Variants in HS6ST2 observed in about 807,000 individuals in gnomAD.
The protein encoded by HS6ST2 is heparan sulfate 6-O-sulfotransferase 2.
A neutral mutation model predicts 33.0 loss-of-function variants in HS6ST2; 17 were observed. That is an observed-to-expected ratio of 0.52 (90% CI 0.35 to 0.77). HS6ST2 has a LOEUF of 0.77. Among genes scored for constraint, HS6ST2 ranks in the 30% least tolerant of loss-of-function variants. HS6ST2 has a pLI of 0.01. For missense variants in HS6ST2, 519 were observed against 551.7 expected, an observed-to-expected ratio of 0.94 and a Z score of 0.59; for synonymous variants, 248 against 237.1, an observed-to-expected ratio of 1.05 and a Z score of -0.42.
intron 4 of HS6ST2, 99 bp downstream of exon 4, chrX:132,669,014 C>T (rs1369803531): frequency 3.6e-6 from 2 of 548,785 alleles, no homozygotes; most frequent in Admixed American, 6.4e-5. Context: ...AGACATTCCA[C>T]AAATCTTTGT....
chrX:132,897,878 C>T (rs1006555695), intron 2 of HS6ST2, among the ~76,000 whole-genome samples: 2 of 111,594 alleles, frequency 1.8e-5, no homozygotes, highest in African/African-American at 6.5e-5. Flanking sequence ...TCCCCTTAAC[C>T]ATGATGCTGT....
intron 3 of HS6ST2, among the ~76,000 whole-genome samples, chrX:132,677,426 A>C (rs977730644): frequency 8.9e-6 from 1 of 112,169 alleles, no homozygotes; most frequent in Non-Finnish European, 1.9e-5. Flanking sequence ...ATTACATATT[A>C]ACTTCTTTAA....
intron 2 of HS6ST2, among the ~76,000 whole-genome samples, chrX:132,943,610 T>C (rs1343842000): frequency 9.0e-6 from 1 of 111,158 alleles, no homozygotes; most frequent in Non-Finnish European, 1.9e-5. Flanking sequence ...AAATCCTCAA[T>C]AAAATACTGG....
intron 2 of HS6ST2, among the ~76,000 whole-genome samples, chrX:132,847,725 C>G (rs543316453): frequency 9.0e-6 from 1 of 111,469 alleles, no homozygotes; most frequent in Middle Eastern, 4.6e-3. Flanking sequence ...ATCAGAGGAA[C>G]AGATGTGCAA....
At chrX:132,894,141 G>T (rs2066344790) in intron 2 of HS6ST2, among the ~76,000 whole-genome samples, 1 of 105,529 alleles carries the variant, frequency 9.5e-6, no homozygotes, top group East Asian at 3.0e-4. Flanking sequence ...TTTTTTTGTG[G>T]GGGGGGAGGT....
At chrX:132,874,633 A>G (rs2066093158) in intron 2 of HS6ST2, among the ~76,000 whole-genome samples, 1 of 111,929 alleles carries the variant, frequency 8.9e-6, no homozygotes, top group Admixed American at 9.5e-5. Flanking sequence ...GAGAAGCCAA[A>G]GAGGTCGGTC....
intron 2 of HS6ST2, among the ~76,000 whole-genome samples, chrX:132,866,817 G>A (rs1308853262): frequency 2.0e-5 from 2 of 100,851 alleles, no homozygotes; most frequent in Non-Finnish European, 4.0e-5. Context: ...TGTGATTTTT[G>A]TACATTGATT....
At chrX:132,833,261 G>A (rs1300715618) in intron 2 of HS6ST2, among the ~76,000 whole-genome samples, 4 of 111,094 alleles carry the variant, frequency 3.6e-5, no homozygotes, top group Admixed American at 9.6e-5. Flanking sequence ...GTTGGGCCCC[G>A]TACATTAGCA....
chrX:132,749,882 G>A (rs776267237), intron 2 of HS6ST2, among the ~76,000 whole-genome samples: 1 of 111,184 alleles, frequency 9.0e-6, no homozygotes, highest in Non-Finnish European at 1.9e-5. Context: ...ATAAGGAGCA[G>A]CTGAAAAACC....
At chrX:132,682,115 G>A (rs1041411537) in intron 3 of HS6ST2, among the ~76,000 whole-genome samples, 1 of 112,161 alleles carries the variant, frequency 8.9e-6, no homozygotes, top group Non-Finnish European at 1.9e-5. Flanking sequence ...CCTTAACGTT[G>A]GTGAGAAAAT....
intron 2 of HS6ST2, among the ~76,000 whole-genome samples, chrX:132,892,796 G>A (rs963514416): frequency 9.0e-6 from 1 of 111,710 alleles, no homozygotes; most frequent in Admixed American, 9.5e-5. Flanking sequence ...TCCAGCCTGG[G>A]TGACAGAGTG....
intron 2 of HS6ST2, among the ~76,000 whole-genome samples, chrX:132,899,240 A>C (rs960839708): frequency 8.9e-6 from 1 of 112,142 alleles, no homozygotes; most frequent in African/African-American, 3.2e-5. Flanking sequence ...TCCAACATCC[A>C]ATCAAAAATT....
At chrX:132,812,274 G>A (rs1346106201) in intron 2 of HS6ST2, among the ~76,000 whole-genome samples, 1 of 107,782 alleles carries the variant, frequency 9.3e-6, no homozygotes, top group Non-Finnish European at 1.9e-5. Flanking sequence ...GCATGGTGGT[G>A]CACACCTGTA....
At chrX:132,834,833 A>G (rs946078866) in intron 2 of HS6ST2, among the ~76,000 whole-genome samples, 3 of 112,076 alleles carry the variant, frequency 2.7e-5, no homozygotes, top group Admixed American at 9.5e-5. Context: ...CTTCTTAACA[A>G]TGAAGAGTTT....
rs770359330 is a variant in HS6ST2, at chrX:132,659,411, T to A, written c.1067+9702A>T. On this transcript the variant is annotated intron_variant, in intron 4 of 4. Coordinates refer to ENST00000370833, the MANE Select transcript of HS6ST2 (RefSeq NM_001394073.1). ...GTCCTCCCCACTTCCCATTCTTAGG[T>A]TGCTTGCCCACAACATACATAGTAG... 6.2e-5 allele frequency among the ~76,000 whole-genome samples: 7 copies of A among 112,057 alleles called. No individual in the cohort carries two copies. The East Asian group carries it at 1.7e-3, about 27-fold the overall frequency.
chrX:132,910,101 A>T (rs1253225476), intron 2 of HS6ST2, among the ~76,000 whole-genome samples: 1 of 112,012 alleles, frequency 8.9e-6, no homozygotes, highest in East Asian at 2.8e-4. Flanking sequence ...TGCCATCTGG[A>T]ATCCTGAAAG....
At chrX:132,878,652 A>G (rs1288695809) in intron 2 of HS6ST2, among the ~76,000 whole-genome samples, 3 of 112,404 alleles carry the variant, frequency 2.7e-5, no homozygotes, top group Non-Finnish European at 5.6e-5. Context: ...GCTTCTAAAT[A>G]ACAATAGAAA....
chrX:132,707,187 C>T (rs1342590883), intron 3 of HS6ST2, among the ~76,000 whole-genome samples: 12 of 112,119 alleles, frequency 1.1e-4, no homozygotes, highest in Non-Finnish European at 2.3e-4. Context: ...GTCATCCGCT[C>T]CATTTTATTT....
chrX:132,955,639 T>C (rs1348432183), intron 2 of HS6ST2, among the ~76,000 whole-genome samples: 1 of 111,413 alleles, frequency 9.0e-6, no homozygotes, highest in Admixed American at 9.4e-5. Context: ...GCCATGAAAC[T>C]CACCTTGTGC....
Sources: gnomAD v4.1 joint callset for allele counts (sites outside exome capture counted in the v4.1 genomes callset) on GRCh38, gnomAD v4.1.1 for gene constraint, MANE v1.5 for transcripts, NCBI Gene and HGNC (gene_info 2026-07-23, HGNC 2026-07-21) for gene names.